The following NTRK2 variants were observed in gnomAD, a reference collection of about 807,000 sequenced individuals.
NTRK2 encodes the protein BDNF/NT-3 growth factors receptor.
In NTRK2, 13 loss-of-function variants were observed where a neutral mutation model predicts 94.5. The observed-to-expected ratio is 0.14, with a 90% confidence interval of 0.09 to 0.22. The LOEUF is 0.22. NTRK2 is among the 10% of genes least tolerant of loss of function. The pLI, the probability that NTRK2 is intolerant of heterozygous loss-of-function variation, is 1.00. For missense variants in NTRK2, 639 were observed against 1,071.2 expected (o/e 0.60, Z 5.63); for synonymous variants, 372 against 407.4 (o/e 0.91, Z 1.05).
At chr9:85,016,263 A>T (rs1319175485) in intron 17 of NTRK2, among the ~76,000 whole-genome samples, 1 of 152,218 alleles carries the variant, frequency 6.6e-6, no homozygotes, top group African/African-American at 2.4e-5. Flanking sequence ...TAATAGCAGC[A>T]GCACAAGAAC....
intron 6 of NTRK2, among the ~76,000 whole-genome samples, chr9:84,712,851 C>T (rs1257719521): frequency 3.3e-5 from 5 of 152,140 alleles, no homozygotes; most frequent in Non-Finnish European, 7.3e-5. Flanking sequence ...TACAATGTGT[C>T]TTAATTAATT....
intron 12 of NTRK2, among the ~76,000 whole-genome samples, chr9:84,755,967 T>C (rs2065050956): frequency 6.6e-6 from 1 of 152,164 alleles, no homozygotes; most frequent in Non-Finnish European, 1.5e-5. Flanking sequence ...TACACTGTCC[T>C]ATTGCTTTTT....
intron 6 of NTRK2, among the ~76,000 whole-genome samples, chr9:84,718,859 A>G (rs1239770442): frequency 6.6e-6 from 1 of 152,114 alleles, no homozygotes; most frequent in Non-Finnish European, 1.5e-5. Flanking sequence ...TGTTTTTTCC[A>G]TTATTGAATC....
intron 12 of NTRK2, among the ~76,000 whole-genome samples, chr9:84,780,366 C>G (rs1564256271): frequency 1.3e-5 from 2 of 152,104 alleles, no homozygotes; most frequent in Admixed American, 1.3e-4. Flanking sequence ...TACTCTCTGG[C>G]CCTTCACAGA....
intron 14 of NTRK2, among the ~76,000 whole-genome samples, chr9:84,915,680 G>A (rs951311704): frequency 1.3e-5 from 2 of 152,138 alleles, no homozygotes; most frequent in African/African-American, 4.8e-5. Flanking sequence ...TAAGACAGTT[G>A]TCTAGGGTTT....
intron 12 of NTRK2, among the ~76,000 whole-genome samples, chr9:84,805,518 G>A (rs1265809788): frequency 6.6e-6 from 1 of 152,190 alleles, no homozygotes; most frequent in African/African-American, 2.4e-5. Flanking sequence ...CGTACTGGAA[G>A]CTTTGGAATG....
At chr9:84,926,439 T>A (rs948554245) in intron 14 of NTRK2, among the ~76,000 whole-genome samples, 4 of 151,542 alleles carry the variant, frequency 2.6e-5, no homozygotes, top group Non-Finnish European at 5.9e-5. Context: ...TCCATGTTGG[T>A]CAGGCTGGTC....
intron 12 of NTRK2, chr9:84,814,403 C>T: frequency 9.4e-7 from 1 of 1,065,822 alleles, no homozygotes; most frequent in Non-Finnish European, 1.1e-6. Flanking sequence ...CTTTCTCTCT[C>T]CTCTTCTTTT....
At chr9:84,747,497 T>TA (rs1217073295) in intron 11 of NTRK2, among the ~76,000 whole-genome samples, 21 of 127,230 alleles carry the variant, frequency 1.7e-4, no homozygotes, top group African/African-American at 5.2e-4. Context: ...TTTTTTTTTG[T>TA]GATGGAGTCT....
chr9:84,759,834 T>G (rs1473902295), intron 12 of NTRK2, among the ~76,000 whole-genome samples: 2 of 152,230 alleles, frequency 1.3e-5, no homozygotes, highest in East Asian at 3.8e-4. Flanking sequence ...CCTCTCTTGT[T>G]TTTCTTCCAT....
At chr9:84,896,674 T>C (rs1489082046) in intron 14 of NTRK2, among the ~76,000 whole-genome samples, 1 of 152,226 alleles carries the variant, frequency 6.6e-6, no homozygotes, top group Non-Finnish European at 1.5e-5. Context: ...TTTTCCCCTA[T>C]GGCTTACGAC....
intron 14 of NTRK2, among the ~76,000 whole-genome samples, chr9:84,870,150 C>CACACACATACATGTACTGTATATAT (rs1356866862): frequency 9.0e-5 from 11 of 122,698 alleles, no homozygotes; most frequent in Non-Finnish European, 1.5e-4. Context: ...CATATATATA[C>CACACACATACATGTACTGTATATAT]ACACACATAC....
rs760394837 is a variant in NTRK2 at position 85,021,456 on chromosome 9, G to T, written c.*19G>T. On this transcript the variant is annotated 3_prime_UTR_variant, in exon 19 of 19. Transcript: ENST00000277120. ...AGGCTAGGGCCCTTTTCCCCAGACC[G>T]ATCCTTCCCAACGTACTCCTCAGAC... 3 of 1,613,170 alleles carry T rather than the reference G, an allele frequency of 1.9e-6. No homozygotes were observed. The highest frequency in any genetic ancestry group is 2.5e-6 in the Non-Finnish European group (3 of 1,179,240).
intron 12 of NTRK2, among the ~76,000 whole-genome samples, chr9:84,758,686 C>T (rs1048594446): frequency 4.6e-5 from 7 of 152,298 alleles, no homozygotes; most frequent in Admixed American, 1.3e-4. Context: ...CCACCGCACC[C>T]GGCCTTTTTG....
At chr9:84,884,664 C>A (rs1405255260) in intron 14 of NTRK2, among the ~76,000 whole-genome samples, 1 of 152,166 alleles carries the variant, frequency 6.6e-6, no homozygotes, top group Non-Finnish European at 1.5e-5. Context: ...TGCATCTCTG[C>A]CGCCGCTTGT....
chr9:84,863,978 T>C (rs910350728), intron 13 of NTRK2, among the ~76,000 whole-genome samples: 1 of 151,856 alleles, frequency 6.6e-6, no homozygotes, highest in Non-Finnish European at 1.5e-5. Context: ...ATTGGAGAGG[T>C]TTAGGAAAGG....
At chr9:84,686,918 C>T (rs1429709444) in intron 2 of NTRK2, among the ~76,000 whole-genome samples, 1 of 151,038 alleles carries the variant, frequency 6.6e-6, no homozygotes, top group East Asian at 1.9e-4. Context: ...ATAATTCTTT[C>T]TTAAGATAAA....
intron 17 of NTRK2, among the ~76,000 whole-genome samples, chr9:84,996,411 C>T (rs552178647): frequency 2.0e-5 from 3 of 152,366 alleles, no homozygotes; most frequent in East Asian, 1.9e-4. Flanking sequence ...GGTGACTGTA[C>T]GCCGTGGGCA....
intron 13 of NTRK2, among the ~76,000 whole-genome samples, chr9:84,864,563 T>C (rs1008959427): frequency 2.0e-5 from 3 of 152,080 alleles, no homozygotes; most frequent in Non-Finnish European, 4.4e-5. Context: ...GTGCCTGGAA[T>C]CTACTGAGAA....
Sources: allele counts gnomAD v4.1 joint callset (sites outside exome capture counted in the v4.1 genomes callset), GRCh38; gene constraint gnomAD v4.1.1; transcripts MANE v1.5; gene names NCBI Gene and HGNC (gene_info 2026-07-23, HGNC 2026-07-21).